JMJD1C: variants seen among roughly 807,000 people sequenced by gnomAD.
JMJD1C encodes the protein jumonji domain-containing protein 1C.
In JMJD1C, 31 loss-of-function variants were observed where a neutral mutation model predicts 245.3. The observed-to-expected ratio is 0.13, with a 90% CI of 0.09 to 0.17. The LOEUF (loss-of-function observed/expected upper bound fraction) is 0.17. Ranked by LOEUF, JMJD1C falls within the 10% of genes least tolerant of loss-of-function variation. The pLI, the probability that JMJD1C is intolerant of heterozygous loss-of-function variation, is 1.00. For missense variants in JMJD1C, 2,691 were observed against 3,000.2 expected (o/e 0.90, Z 2.41); for synonymous variants, 1,057 against 1,017.4 (o/e 1.04, Z -0.74).
At chr10:63,490,778 G>T (rs1177381304) in intron 1 of JMJD1C, among the ~76,000 whole-genome samples, 1 of 152,114 alleles carries the variant, frequency 6.6e-6, no homozygotes, top group Non-Finnish European at 1.5e-5. Context: ...CTTCTTGAGG[G>T]CAGGAACTCA....
chr10:63,438,719 T>A (rs1403277757), intron 1 of JMJD1C, among the ~76,000 whole-genome samples: 1 of 152,130 alleles, frequency 6.6e-6, no homozygotes, highest in African/African-American at 2.4e-5. Context: ...AGGGGCTGTG[T>A]ATTTTGCTCT....
intron 1 of JMJD1C, among the ~76,000 whole-genome samples, chr10:63,410,508 G>A (rs1326646232): frequency 6.6e-6 from 1 of 152,154 alleles, no homozygotes; most frequent in Non-Finnish European, 1.5e-5. Flanking sequence ...GCTGTCATAT[G>A]AAGAACTGGA....
rs1424095687 is a variant in JMJD1C at position 63,185,430 on chromosome 10, C to G, written c.6830+133G>C. 2.1e-5 allele frequency: 14 copies of G among 673,580 alleles called. No homozygotes were observed. In the East Asian group the frequency reaches 3.0e-4, roughly 15 times the overall value. The allele number at this position is 673,580 out of a possible 1,614,324, so 41.7% of individuals were successfully genotyped here. ...TATAGGCGTGAGCCACTATGACGCTCAGCCTCAAGTTATTTATTTTTAATT... is the reference window on the plus strand; with the variant it reads ...TATAGGCGTGAGCCACTATGACGCTGAGCCTCAAGTTATTTATTTTTAATT... On this transcript the variant is annotated intron_variant, in intron 20 of 25. Transcript: ENST00000399262.
At chr10:63,292,276 T>G in intron 2 of JMJD1C, among the ~76,000 whole-genome samples, 1 of 151,300 alleles carries the variant, frequency 6.6e-6, no homozygotes, top group South Asian at 2.1e-4. Flanking sequence ...TATATTTCTA[T>G]TCTGCATTTT....
At chr10:63,323,805 T>C (rs1304813495) in intron 2 of JMJD1C, among the ~76,000 whole-genome samples, 6 of 152,144 alleles carry the variant, frequency 3.9e-5, no homozygotes, top group African/African-American at 1.4e-4. Context: ...TGTGTGTGTT[T>C]CTCTGTGTGT....
At chr10:63,426,598 G>A (rs760398340) in intron 1 of JMJD1C, among the ~76,000 whole-genome samples, 1 of 152,010 alleles carries the variant, frequency 6.6e-6, no homozygotes, top group Admixed American at 6.6e-5. Context: ...CTGAACCCAG[G>A]AGGCGGAAGT....
chr10:63,475,459 C>T (rs957991635), intron 1 of JMJD1C, among the ~76,000 whole-genome samples: 1 of 152,076 alleles, frequency 6.6e-6, no homozygotes, highest in African/African-American at 2.4e-5. Flanking sequence ...AAATATATTC[C>T]TTTTAATACA....
At chr10:63,412,242 A>G (rs1209001271) in intron 1 of JMJD1C, among the ~76,000 whole-genome samples, 3 of 152,096 alleles carry the variant, frequency 2.0e-5, no homozygotes, top group African/African-American at 7.3e-5. Context: ...AAAGTCAATT[A>G]ACAAATATTT....
intron 2 of JMJD1C, among the ~76,000 whole-genome samples, chr10:63,334,884 T>C (rs1377460314): frequency 3.3e-5 from 5 of 152,028 alleles, no homozygotes; most frequent in African/African-American, 1.2e-4. Context: ...ATTTTTGTAT[T>C]CTTAGTAAAG....
chr10:63,502,673 A>G (rs1022505399), intron 1 of JMJD1C, among the ~76,000 whole-genome samples: 5 of 149,590 alleles, frequency 3.3e-5, no homozygotes, highest in Non-Finnish European at 7.4e-5. Context: ...GCCAGCTGCC[A>G]GCTCTTCAAC....
intron 1 of JMJD1C, among the ~76,000 whole-genome samples, chr10:63,383,917 T>G (rs1029094244): frequency 6.6e-6 from 1 of 152,124 alleles, no homozygotes; most frequent in African/African-American, 2.4e-5. Flanking sequence ...CAAAAGTTTG[T>G]CACATCTATT....
chr10:63,289,736 T>C (rs1239167717), intron 2 of JMJD1C, among the ~76,000 whole-genome samples: 3 of 152,188 alleles, frequency 2.0e-5, no homozygotes, highest in Non-Finnish European at 4.4e-5. Context: ...TTGAATCTCA[T>C]AATTTTTTTA....
chr10:63,489,716 TG>T (rs1251721754), intron 1 of JMJD1C: 1 of 152,372 alleles, frequency 6.6e-6, no homozygotes, highest in Non-Finnish European at 1.5e-5. Context: ...TTCACCATAT[TG>T]GCCAGGCTGG....
At chr10:63,356,622 C>T (rs1017075536) in intron 2 of JMJD1C, among the ~76,000 whole-genome samples, 3 of 152,182 alleles carry the variant, frequency 2.0e-5, no homozygotes, top group African/African-American at 7.2e-5. Context: ...ATCAAAATTG[C>T]ATTTCATTCA....
intron 1 of JMJD1C, among the ~76,000 whole-genome samples, chr10:63,476,255 A>G (rs1331227610): frequency 6.8e-6 from 1 of 148,112 alleles, no homozygotes; most frequent in Non-Finnish European, 1.5e-5. Context: ...TATATATATA[A>G]ATAATTATAT....
chr10:63,412,762 A>G (rs1949562565), intron 1 of JMJD1C, among the ~76,000 whole-genome samples: 1 of 152,226 alleles, frequency 6.6e-6, no homozygotes, highest in Admixed American at 6.5e-5. Flanking sequence ...AGATGTACAT[A>G]TATTTTATGC....
intron 1 of JMJD1C, among the ~76,000 whole-genome samples, chr10:63,520,309 A>G (rs1007620855): frequency 6.6e-6 from 1 of 152,204 alleles, no homozygotes; most frequent in African/African-American, 2.4e-5. Flanking sequence ...GAAACTGAGG[A>G]ACAAGAAGAC....
rs535642414 is a variant in JMJD1C, at chr10:63,181,909, C to G, written c.7084+1538G>C. 6.6e-5 allele frequency among the ~76,000 whole-genome samples: 10 copies of G among 152,180 alleles called. No homozygotes were observed. In the South Asian group the frequency reaches 2.1e-3, roughly 31 times the overall value. ...TTCTGTGGCAGCGCTCAGACAATAA[C>G]TCAAGTGTGCCCACTGACTCTCAAA... On this transcript the variant is annotated intron_variant, in intron 22 of 25. Transcript: ENST00000399262.
chr10:63,333,734 T>C (rs1358220912), intron 2 of JMJD1C, among the ~76,000 whole-genome samples: 1 of 152,176 alleles, frequency 6.6e-6, no homozygotes, highest in East Asian at 1.9e-4. Context: ...ATTATTCTTC[T>C]GTAAAAAAAC....
Sources: gnomAD v4.1 joint callset for allele counts (sites outside exome capture counted in the v4.1 genomes callset) on GRCh38, gnomAD v4.1.1 for gene constraint, MANE v1.5 for transcripts, NCBI Gene and HGNC (gene_info 2026-07-23, HGNC 2026-07-21) for gene names.